The following SMOC2 variants were observed in gnomAD, a reference collection of about 807,000 sequenced individuals.
SMOC2 encodes SPARC related modular calcium binding 2, also known as SPARC-related modular calcium-binding protein 2.
SMOC2 carries 39 observed loss-of-function variants against 61.4 expected under a neutral mutation model. That is an observed-to-expected ratio of 0.64 (90% CI 0.49 to 0.83). The LOEUF (loss-of-function observed/expected upper bound fraction) is 0.83, where lower values mean the gene tolerates loss of function less well. SMOC2 is among the 40% of genes least tolerant of loss of function. The pLI is 0.00. For synonymous variants in SMOC2, 247 were observed against 239.9 expected (o/e 1.03, Z -0.27); for missense variants, 556 against 592.9 (o/e 0.94, Z 0.65).
At position 168,449,423 on chromosome 6, in the gene SMOC2, A is replaced by G. The variant is rs73270954; in HGVS notation, c.84+7969A>G. Among the ~76,000 whole-genome samples, 629 of 152,336 alleles carry G rather than the reference A, an allele frequency of 4.1e-3. 7 individuals carry two copies. Among genetic ancestry groups the G allele is most frequent in the African/African-American group, 0.014 (589 of 41,580 alleles). Reference sequence around the variant, plus strand: ...TTTTAGATAGGAGATAGAAATTTCAAATAACAAAGGAAATTCCATATGTGC... The same window carrying G: ...TTTTAGATAGGAGATAGAAATTTCAGATAACAAAGGAAATTCCATATGTGC... On this transcript the variant is annotated intron_variant, in intron 1 of 12. Transcript: ENST00000356284.
intron 9 of SMOC2, among the ~76,000 whole-genome samples, chr6:168,647,784 CT>C (rs1787079705): frequency 6.6e-6 from 1 of 152,026 alleles, no homozygotes; most frequent in Admixed American, 6.6e-5. Context: ...TTTTGTTCGC[CT>C]TTTTTCTTCA....
chr6:168,518,988 TGTATGCGTGCATGTGTGA>T lies in SMOC2; in HGVS notation c.257-7344_257-7327del, dbSNP rs1163211594. ...GTGCACGCGTGTGTATGCATGCGTG[TGTATGCGTGCATGTGTGA>T]GTATGCGTGCATGCGAACATGTGTG... On this transcript the variant is annotated intron_variant, in intron 2 of 12. Coordinates refer to ENST00000356284, the MANE Select transcript of SMOC2 (RefSeq NM_001166412.2). 5.9e-5 allele frequency among the ~76,000 whole-genome samples: 9 copies of T among 151,370 alleles called. No individual in the cohort carries two copies. The East Asian group carries it at 7.9e-4, about 13-fold the overall frequency.
intron 9 of SMOC2, among the ~76,000 whole-genome samples, chr6:168,617,071 T>C (rs1024039531): frequency 1.3e-5 from 2 of 152,198 alleles, no homozygotes; most frequent in African/African-American, 4.8e-5. Context: ...TGGCTACTCT[T>C]GCAGCAAGGC....
chr6:168,456,137 C>T (rs1000372522), intron 1 of SMOC2, among the ~76,000 whole-genome samples: 3 of 152,246 alleles, frequency 2.0e-5, no homozygotes, highest in African/African-American at 2.4e-5. Context: ...TGTGGGCCGA[C>T]GTCTCTTGCC....
At chr6:168,444,201 A>G (rs1781281331) in intron 1 of SMOC2, among the ~76,000 whole-genome samples, 1 of 152,194 alleles carries the variant, frequency 6.6e-6, no homozygotes, top group Admixed American at 6.5e-5. Flanking sequence ...GTGGGACTCT[A>G]TAGACCAAGG....
At chr6:168,631,663 G>A (rs1786574029) in intron 9 of SMOC2, among the ~76,000 whole-genome samples, 1 of 150,558 alleles carries the variant, frequency 6.6e-6, no homozygotes, top group Non-Finnish European at 1.5e-5. Flanking sequence ...GGTTGGTTGT[G>A]TTTTCATATT....
At position 168,562,287 on chromosome 6, in the gene SMOC2, C is replaced by T. The variant is rs796498155; in HGVS notation, c.637+13084C>T. The stretch of plus-strand genomic sequence containing the variant: ...GCCCTGAGACACAAGGCTCTCACTG[C>T]ATTCTTGGAGGAGGTGTCATTTTCC... On this transcript the variant is annotated intron_variant, in intron 7 of 12. Transcript: ENST00000356284. 3.0e-4 allele frequency among the ~76,000 whole-genome samples: 19 copies of T among 64,054 alleles called. No individual in the cohort carries two copies. The East Asian group carries it at 5.5e-3, about 19-fold the overall frequency. 42.0% of individuals were successfully genotyped at this position (64,054 alleles called of 152,430 possible). A position where few individuals can be genotyped will look rare whatever the true frequency, so the allele number is the denominator to read the frequency against.
At chr6:168,499,189 A>G (rs185302217) in intron 1 of SMOC2, among the ~76,000 whole-genome samples, 165 of 152,324 alleles carry the variant, frequency 1.1e-3, no homozygotes, top group African/African-American at 3.5e-3. Flanking sequence ...TCCCAGACCT[A>G]CAAGCCAGTC....
At chr6:168,656,527 A>AAG (rs1787328519) in intron 11 of SMOC2, among the ~76,000 whole-genome samples, 1 of 138,020 alleles carries the variant, frequency 7.2e-6, no homozygotes, top group South Asian at 2.5e-4. Context: ...AAAAAAAAAA[A>AAG]AAAGAAAAGA....
intron 1 of SMOC2, among the ~76,000 whole-genome samples, chr6:168,465,110 G>A (rs1231161003): frequency 6.6e-6 from 1 of 152,246 alleles, no homozygotes; most frequent in Non-Finnish European, 1.5e-5. Context: ...CCTGCCCAGC[G>A]GTTGTCTGCT....
chr6:168,456,902 C>CT (rs754811231), intron 1 of SMOC2, among the ~76,000 whole-genome samples: 26 of 152,328 alleles, frequency 1.7e-4, no homozygotes, highest in Admixed American at 1.4e-3. Context: ...TGAGTTCAGT[C>CT]TTCATCCCTC....
intron 1 of SMOC2, among the ~76,000 whole-genome samples, chr6:168,444,534 C>T (rs1192247896): frequency 1.3e-5 from 2 of 152,166 alleles, no homozygotes; most frequent in African/African-American, 4.8e-5. Context: ...GATGGCTTTG[C>T]ACAACTTCCT....
intron 4 of SMOC2, among the ~76,000 whole-genome samples, chr6:168,534,310 C>T (rs1005406271): frequency 1.3e-5 from 2 of 152,104 alleles, no homozygotes; most frequent in Admixed American, 1.3e-4. Context: ...TGAAAGTGTT[C>T]AACTGATACT....
intron 9 of SMOC2, among the ~76,000 whole-genome samples, chr6:168,627,497 G>A (rs528599347): frequency 6.6e-6 from 1 of 152,312 alleles, no homozygotes; most frequent in Admixed American, 6.5e-5. Context: ...GAAAAATGAT[G>A]TGTTCCTTAA....
At chr6:168,601,667 C>G (rs1225145618) in intron 8 of SMOC2, among the ~76,000 whole-genome samples, 4 of 152,060 alleles carry the variant, frequency 2.6e-5, no homozygotes, top group Non-Finnish European at 5.9e-5. Context: ...AGGTAGAGAC[C>G]GCTGGCAGAT....
chr6:168,504,337 G>A (rs893664495), intron 1 of SMOC2, among the ~76,000 whole-genome samples: 6 of 149,992 alleles, frequency 4.0e-5, no homozygotes, highest in African/African-American at 1.2e-4. Context: ...TGTGCAACTC[G>A]CCATAGTGTA....
chr6:168,595,182 C>T (rs1435878235), intron 7 of SMOC2, among the ~76,000 whole-genome samples: 1 of 132,072 alleles, frequency 7.6e-6, no homozygotes, highest in Non-Finnish European at 1.6e-5. Flanking sequence ...CCTCCTCCTT[C>T]CTGAGGCCTC....
intron 7 of SMOC2, among the ~76,000 whole-genome samples, chr6:168,578,661 C>A (rs995778051): frequency 6.6e-6 from 1 of 152,162 alleles, no homozygotes; most frequent in African/African-American, 2.4e-5. Flanking sequence ...ATTCTACACA[C>A]GGGTTGAGTT....
chr6:168,458,455 G>A (rs1192075085), intron 1 of SMOC2, among the ~76,000 whole-genome samples: 1 of 152,224 alleles, frequency 6.6e-6, no homozygotes, highest in African/African-American at 2.4e-5. Flanking sequence ...ATTCCCACTC[G>A]CCATGGGTTT....
Sources: allele counts gnomAD v4.1 joint callset (sites outside exome capture counted in the v4.1 genomes callset), GRCh38; gene constraint gnomAD v4.1.1; transcripts MANE v1.5; gene names NCBI Gene and HGNC (gene_info 2026-07-23, HGNC 2026-07-21).